The following NELL1 variants were observed in gnomAD, a reference collection of about 807,000 sequenced individuals.
The protein encoded by NELL1 is neural EGFL like 1.
NELL1 carries 76 observed loss-of-function variants against 107.4 expected under a neutral mutation model. The ratio of observed to expected loss-of-function variants is 0.71; its 90% CI spans 0.59 to 0.86. NELL1 has a LOEUF of 0.86. NELL1 is among the 40% of genes least tolerant of loss of function. The pLI is 0.00. For synonymous variants in NELL1, 353 were observed against 341.2 expected (o/e 1.03, Z -0.38); for missense variants, 1,024 against 1,005.5 (o/e 1.02, Z -0.25).
At chr11:20,738,147 G>T (rs952487288) in intron 2 of NELL1, among the ~76,000 whole-genome samples, 3 of 152,120 alleles carry the variant, frequency 2.0e-5, no homozygotes, top group African/African-American at 4.8e-5. Context: ...CTGAGAGCTA[G>T]AGGGTGTGTG....
At chr11:21,478,633 G>A (rs1307659577) in intron 15 of NELL1, among the ~76,000 whole-genome samples, 1 of 151,220 alleles carries the variant, frequency 6.6e-6, no homozygotes, top group Non-Finnish European at 1.5e-5. Flanking sequence ...GATTTCTTGA[G>A]TAATACCCCA....
intron 3 of NELL1, among the ~76,000 whole-genome samples, chr11:20,804,728 A>C (rs1255916320): frequency 6.6e-6 from 1 of 152,152 alleles, no homozygotes; most frequent in Admixed American, 6.5e-5. Flanking sequence ...AGAATTATCC[A>C]TGTGCTGAGG....
At chr11:21,190,395 G>A (rs1186522799) in intron 13 of NELL1, among the ~76,000 whole-genome samples, 1 of 151,612 alleles carries the variant, frequency 6.6e-6, no homozygotes, top group Non-Finnish European at 1.5e-5. Flanking sequence ...TGTAAAATGG[G>A]AATACTGGAA....
At chr11:20,899,974 A>G (rs553359666) in intron 5 of NELL1, among the ~76,000 whole-genome samples, 1 of 152,296 alleles carries the variant, frequency 6.6e-6, no homozygotes, top group South Asian at 2.1e-4. Flanking sequence ...TTAGCTTTTG[A>G]TATACAGCAA....
intron 14 of NELL1, among the ~76,000 whole-genome samples, chr11:21,302,416 T>C (rs959970028): frequency 1.3e-5 from 2 of 152,064 alleles, no homozygotes; most frequent in Admixed American, 6.6e-5. Flanking sequence ...CATGTTCTAA[T>C]GTGCAAATGG....
intron 1 of NELL1, chr11:20,674,385 C>T (rs1853997283): frequency 2.4e-6 from 2 of 843,746 alleles, no homozygotes. Context: ...CCAGATGGAG[C>T]TGTTGAAGTG....
chr11:21,452,290 T>A (rs145044262), intron 15 of NELL1, among the ~76,000 whole-genome samples: 2 of 152,278 alleles, frequency 1.3e-5, no homozygotes, highest in African/African-American at 4.8e-5. Context: ...GTGTCTAATG[T>A]CTTGAAAAGC....
intron 14 of NELL1, among the ~76,000 whole-genome samples, chr11:21,272,531 T>G (rs1016691524): frequency 6.6e-6 from 1 of 152,226 alleles, no homozygotes; most frequent in Non-Finnish European, 1.5e-5. Flanking sequence ...TAAATGTCCC[T>G]GTCTGACAGC....
At chr11:21,307,684 T>C (rs888806013) in intron 14 of NELL1, among the ~76,000 whole-genome samples, 9 of 152,004 alleles carry the variant, frequency 5.9e-5, no homozygotes, top group African/African-American at 2.2e-4. Flanking sequence ...GGTTCCATGG[T>C]CTTTACCTTG....
intron 2 of NELL1, among the ~76,000 whole-genome samples, chr11:20,692,069 C>A (rs2133867687): frequency 6.6e-6 from 1 of 151,792 alleles, no homozygotes; most frequent in Non-Finnish European, 1.5e-5. Flanking sequence ...AGTTTATTTG[C>A]ATAGAGGTGT....
At chr11:21,082,494 A>G (rs1854292296) in intron 12 of NELL1, among the ~76,000 whole-genome samples, 1 of 152,130 alleles carries the variant, frequency 6.6e-6, no homozygotes, top group South Asian at 2.1e-4. Context: ...AAAAACAAGC[A>G]CTGCTAGTTC....
chr11:21,516,291 A>G (rs1022185858), intron 15 of NELL1, among the ~76,000 whole-genome samples: 3 of 152,190 alleles, frequency 2.0e-5, no homozygotes, highest in African/African-American at 7.2e-5. Flanking sequence ...AGGCATTGAA[A>G]AAACTATTCA....
chr11:20,966,285 AG>A (rs1434501536), intron 12 of NELL1, among the ~76,000 whole-genome samples: 1 of 152,078 alleles, frequency 6.6e-6, no homozygotes, highest in Non-Finnish European at 1.5e-5. Context: ...AGTGGGCAAG[AG>A]GGGGCAGAAC....
chr11:21,383,804 T>C (rs1432279717), intron 15 of NELL1: 3 of 151,656 alleles, frequency 2.0e-5, no homozygotes, highest in African/African-American at 7.3e-5. Flanking sequence ...AATGCTTTTT[T>C]TACAATACCC....
chr11:21,309,260 G>GTATATATATATATATATATGTA (rs1248156486), intron 14 of NELL1, among the ~76,000 whole-genome samples: 1 of 99,668 alleles, frequency 1.0e-5, no homozygotes, highest in East Asian at 3.7e-4. Context: ...ATATATATAT[G>GTATATATATATATATATATGTA]TATATATATA....
Position 20,669,637 on chromosome 11 carries a change from C to A in NELL1, c.-87C>A. ...CGCCGCCCGCTAGCAAGTTTGGCGG[C>A]TCCAAGCCAGGCGCGCCTCAGGATC... is the stretch of plus-strand genomic sequence containing the variant. On this transcript the variant is annotated 5_prime_UTR_variant, in exon 1 of 20. Coordinates refer to ENST00000357134, the MANE Select transcript of NELL1 (RefSeq NM_006157.5). This position sits in a 1 kb window ranked among gnomAD's most constrained non-coding sequence, Gnocchi z 4.4. 1.6e-6 allele frequency: 2 copies of A among 1,223,238 alleles called. No homozygotes were observed. Among genetic ancestry groups the A allele is most frequent in the Middle Eastern group, 1.9e-4 (1 of 5,280 alleles). The allele number at this position is 1,223,238 out of a possible 1,614,324, so 75.8% of individuals were successfully genotyped here. A position where few individuals can be genotyped will look rare whatever the true frequency, so the allele number is the denominator to read the frequency against.
intron 12 of NELL1, among the ~76,000 whole-genome samples, chr11:21,041,499 C>A (rs539601664): frequency 2.3e-3 from 349 of 152,170 alleles, no homozygotes; most frequent in African/African-American, 8.2e-3. Context: ...TACCTTATCA[C>A]CTTTCATGAT....
intron 4 of NELL1, among the ~76,000 whole-genome samples, chr11:20,872,671 G>GGTGT (rs61184129): frequency 0.16 from 21,421 of 136,832 alleles, 1,809 homozygotes; most frequent in Middle Eastern, 0.22. Flanking sequence ...CAGTGTTTGA[G>GGTGT]GTGTGTGTGT....
intron 15 of NELL1, among the ~76,000 whole-genome samples, chr11:21,442,273 C>T (rs1417464844): frequency 6.6e-6 from 1 of 152,080 alleles, no homozygotes; most frequent in Non-Finnish European, 1.5e-5. Flanking sequence ...CAGAACCCTG[C>T]TCCTGGAATT....
Sources: gnomAD v4.1 joint callset for allele counts (sites outside exome capture counted in the v4.1 genomes callset) on GRCh38, gnomAD v4.1.1 for gene constraint, Gnocchi (gnomAD v3.1) non-coding constraint, MANE v1.5 for transcripts, NCBI Gene and HGNC (gene_info 2026-07-23, HGNC 2026-07-21) for gene names.